Variants in AURKAIP1 observed in about 807,000 individuals in gnomAD.
AURKAIP1 encodes the protein small ribosomal subunit protein bS22, mitochondrial.
In AURKAIP1, 20 loss-of-function variants were observed where a neutral mutation model predicts 18.4. That is an observed-to-expected ratio of 1.09 (90% CI 0.77 to 1.58). AURKAIP1 has a LOEUF of 1.58. Among genes scored for constraint, AURKAIP1 ranks in the 40% most tolerant of loss-of-function variants. AURKAIP1 has a pLI of 0.00. For missense variants in AURKAIP1, 319 were observed against 270.7 expected, an observed-to-expected ratio of 1.18 and a Z score of -1.25; for synonymous variants, 156 against 120.8, an observed-to-expected ratio of 1.29 and a Z score of -1.91.
In AURKAIP1 at chr1:1,374,980, G is replaced by T. The variant is rs551967457; in HGVS notation, c.-35+174C>A. The T allele has an allele frequency of 1.7e-3, 882 of 505,364 alleles. 13 individuals carry two copies. Among genetic ancestry groups the T allele is most frequent in the African/African-American group, 0.015 (747 of 49,030 alleles). 31.3% of individuals were successfully genotyped at this position (505,364 alleles called of 1,614,324 possible). A position where few individuals can be genotyped will look rare whatever the true frequency, so the allele number is the denominator to read the frequency against. On this transcript the variant is annotated intron_variant, in intron 1 of 3. Transcript: ENST00000338338. ...CTCCCAAGCCCCCGACGCGGGCGGT[G>T]TCGCGCTCGGACGCACCGAAAGGTC...
rs755274771 is a variant in AURKAIP1 at position 1,374,225 on chromosome 1, G to A, written c.273C>T (p.Thr91=). 9 of 1,612,840 alleles carry A rather than the reference G, an allele frequency of 5.6e-6. No individual in the cohort carries two copies. Among genetic ancestry groups the A allele is most frequent in the East Asian group, 2.2e-5 (1 of 44,886 alleles). The stretch of plus-strand genomic sequence containing the variant: ...ATTGCGGTGGAGCCACAGTCCCTGC[G>A]GTCCCGGTATCCAGTCTGGGCAGGA... ...RCFLPRLDTG[T]AGTVAPPQSY... The change falls in exon 3 of 4, where the codon ACC becomes ACT. Residue 91 remains threonine, a synonymous_variant. Transcript: ENST00000338338.
Position 1,373,790 on chromosome 1 carries a change from C to T in AURKAIP1, c.*11G>A, listed in dbSNP as rs1397523790. On this transcript the variant is annotated 3_prime_UTR_variant, in exon 4 of 4. Coordinates refer to ENST00000338338, the MANE Select transcript of AURKAIP1 (RefSeq NM_017900.3). The stretch of plus-strand genomic sequence containing the variant: ...TCACAGCAGCAACGGGCGGGAAGGG[C>T]GGCGCCAGACTCATTTGCCCCGCAG... 2 of 1,593,266 alleles carry T rather than the reference C, an allele frequency of 1.3e-6. No individual in the cohort carries two copies. The highest frequency in any genetic ancestry group is 8.5e-7 in the Non-Finnish European group (1 of 1,177,418).
At chr1:1,373,939 G>A (rs1644318946) in intron 3 of AURKAIP1, 37 bp from the exon 4 acceptor site, 3 of 1,608,500 alleles carry the variant, frequency 1.9e-6, no homozygotes, top group Middle Eastern at 3.3e-4. Flanking sequence ...CAAGTAATTC[G>A]TGGCAAAGAA....
In AURKAIP1 at chr1:1,374,456, C is replaced by G. The variant is rs1644328028; in HGVS notation, c.53-11G>C. The G allele has an allele frequency of 6.9e-7, 1 of 1,442,720 alleles. No homozygotes were observed. Among genetic ancestry groups the G allele is most frequent in the Non-Finnish European group, 9.1e-7 (1 of 1,102,474 alleles). 89.4% of individuals were successfully genotyped at this position (1,442,720 alleles called of 1,614,324 possible). A position where few individuals can be genotyped will look rare whatever the true frequency, so the allele number is the denominator to read the frequency against. On this transcript the variant is annotated splice_polypyrimidine_tract_variant and intron_variant, in intron 2 of 3. Transcript: ENST00000338338. ...AAGGCGGGCGGCCGCCTGCAGAAAA[C>G]CAGACGCCACGGTCACCGCTCGCGA...
At position 1,374,706 on chromosome 1, in the gene AURKAIP1, T is replaced by G; in HGVS notation, c.51A>C (p.Ala17=). The change falls in exon 2 of 4, where the codon GCA becomes GCC. Residue 17 remains alanine, a splice_region_variant and synonymous_variant. Transcript: ENST00000338338. The stretch of plus-strand genomic sequence containing the variant: ...ATCCGCCCCCGCGCGGCTTCCTACC[T>G]GCCCAAGGAACGGCCCTCAACAGCT... ...TSQLLRAVPW[A]GGRPPWPVSG... is the part of the protein sequence containing the mutation. 6.4e-7 allele frequency: 1 copy of G among 1,559,058 alleles called. No individual in the cohort carries two copies. Among genetic ancestry groups the G allele is most frequent in the Non-Finnish European group, 8.7e-7 (1 of 1,151,622 alleles).
chr1:1,374,849 C>T (rs1184203309), intron 1 of AURKAIP1, 59 bp from the exon 2 acceptor site: 8 of 1,270,314 alleles, frequency 6.3e-6, no homozygotes, highest in Non-Finnish European at 7.6e-6. Flanking sequence ...CGCGGGCGGG[C>T]CGGGACTGGG....
rs1196914068 is a variant in AURKAIP1, at chr1:1,374,140, C to A, written c.358G>T (p.Ala120Ser). 6.2e-7 allele frequency: 1 copy of A among 1,613,918 alleles called. No individual in the cohort carries two copies. The highest frequency in any genetic ancestry group is 8.5e-7 in the Non-Finnish European group (1 of 1,180,004). ...TTGCACTGAATTTGAGGCGCATCCG[C>A]GACGCCTTCATCCCCCTGCTCGGCC... is the stretch of plus-strand genomic sequence containing the variant. ...EGAEQGDEGV[A>S]DAPQIQCKNV... Residue 120 changes from alanine (A) to serine (S), a missense_variant, in exon 3 of 4, where the codon GCG becomes TCG. Ala to Ser is a moderately conservative substitution (Grantham distance 99, BLOSUM62 1). Coordinates refer to ENST00000338338, the MANE Select transcript of AURKAIP1 (RefSeq NM_017900.3).
chr1:1,374,521 TC>T, intron 2 of AURKAIP1, 76 bp from the exon 3 acceptor site: 1 of 1,387,294 alleles, frequency 7.2e-7, no homozygotes, highest in Non-Finnish European at 9.6e-7. Flanking sequence ...AGCAGGTTCG[TC>T]CCAGCGAGGA....
In AURKAIP1 at chr1:1,374,150, A is replaced by G. The variant is rs143717340; in HGVS notation, c.348T>C (p.Asp116=). ...SQIGEGAEQG[D]EGVADAPQIQ... is the part of the protein sequence containing the mutation. ...TTTGAGGCGCATCCGCGACGCCTTC[A>G]TCCCCCTGCTCGGCCCCTTCCCCTA... Residue 116 remains aspartate (D), a synonymous_variant, in exon 3 of 4, where the codon GAT becomes GAC. Transcript: ENST00000338338. The G allele has an allele frequency of 4.3e-6, 7 of 1,613,800 alleles. No homozygotes were observed. The highest frequency in any genetic ancestry group is 5.9e-6 in the Non-Finnish European group (7 of 1,180,030).
At chr1:1,374,855 C>T in intron 1 of AURKAIP1, 65 bp from the exon 2 acceptor site, 1 of 1,115,332 alleles carries the variant, frequency 9.0e-7, no homozygotes, top group Non-Finnish European at 1.3e-6. Context: ...CGGGCCGGGA[C>T]TGGGGCGTCT....
chr1:1,374,033 C>T lies in AURKAIP1; in HGVS notation c.465G>A (p.Arg155=). Residue 155 remains arginine (R), a synonymous_variant, in exon 3 of 4, where the codon AGG becomes AGA. Coordinates refer to ENST00000338338, the MANE Select transcript of AURKAIP1 (RefSeq NM_017900.3). ...KLVKKTRFLR[R]KVQEGRLRRK... Reference sequence around the variant, plus strand: ...GTCTCAGGCGTCCCTCCTGGACCTTCCTCCGCAGGAACCGCGTCTTCTTCA... The same window carrying T: ...GTCTCAGGCGTCCCTCCTGGACCTTTCTCCGCAGGAACCGCGTCTTCTTCA... 3 of 1,607,156 alleles carry T rather than the reference C, an allele frequency of 1.9e-6. No homozygotes were observed. Among genetic ancestry groups the T allele is most frequent in the Middle Eastern group, 1.7e-4 (1 of 6,034 alleles).
Position 1,374,363 on chromosome 1 carries a change from T to A in AURKAIP1, c.135A>T (p.Pro45=). ...GPLYSTSPAG[P]GRAASLPRKG... is the part of the protein sequence containing the mutation. ...TGCGAGGGAGAGAGGCCGCCCTACC[T>A]GGGCCGGCCGGCGATGTGCTGTAAA... is the stretch of plus-strand genomic sequence containing the variant. Residue 45 remains proline, a synonymous_variant, in exon 3 of 4, where the codon CCA becomes CCT. Coordinates refer to ENST00000338338, the MANE Select transcript of AURKAIP1 (RefSeq NM_017900.3). The A allele has an allele frequency of 6.6e-7, 1 of 1,525,592 alleles. No individual in the cohort carries two copies. The highest frequency in any genetic ancestry group is 1.8e-4 in the Middle Eastern group (1 of 5,632). 94.5% of individuals were successfully genotyped at this position (1,525,592 alleles called of 1,614,324 possible). A position where few individuals can be genotyped will look rare whatever the true frequency, so the allele number is the denominator to read the frequency against.
chr1:1,374,719 G>T lies in AURKAIP1; in HGVS notation c.38C>A (p.Ala13Asp). 1 of 1,561,110 alleles carries T rather than the reference G, an allele frequency of 6.4e-7. No individual in the cohort carries two copies. ...LGRLTSQLLR[A>D]VPWAGGRPPW... ...CGGCTTCCTACCTGCCCAAGGAACG[G>T]CCCTCAACAGCTGGGAAGTCAGGCG... The change falls in exon 2 of 4, where the codon GCC (alanine) becomes GAC (aspartate). Residue 13 changes from alanine (A) to aspartate (D), a missense_variant. Transcript: ENST00000338338.
Position 1,374,163 on chromosome 1 carries a change from GC to G in AURKAIP1, c.334del (p.Ala112ProfsTer20). ...CGCGACGCCTTCATCCCCCTGCTCGGCCCCTTCCCCTATCTGGCTGGGCGGA... is the reference window on the plus strand; with the variant it reads ...CGCGACGCCTTCATCCCCCTGCTCGGCCCTTCCCCTATCTGGCTGGGCGGA... ...QCPPSQIGEG[A>X]EQGDEGVADA... On this transcript the variant is annotated frameshift_variant, in exon 3 of 4. Transcript: ENST00000338338. LOFTEE classifies it high-confidence loss of function. The G allele has an allele frequency of 6.2e-7, 1 of 1,613,838 alleles. No individual in the cohort carries two copies. Among genetic ancestry groups the G allele is most frequent in the Non-Finnish European group, 8.5e-7 (1 of 1,180,030 alleles).
chr1:1,373,971 C>A, intron 3 of AURKAIP1, 29 bp downstream of exon 3: 1 of 1,608,612 alleles, frequency 6.2e-7, no homozygotes, highest in African/African-American at 1.3e-5. Context: ...GCACTTTGCC[C>A]TCCCAGGGCC....
intron 2 of AURKAIP1, 61 bp downstream of exon 2, chr1:1,374,644 C>G: frequency 6.6e-7 from 1 of 1,525,530 alleles, no homozygotes; most frequent in South Asian, 1.2e-5. Flanking sequence ...AGCGGAGCTG[C>G]TGAGACCCGC....
At chr1:1,374,546 A>C (rs1294269225) in intron 2 of AURKAIP1, 101 bp from the exon 3 acceptor site, 9 of 1,358,974 alleles carry the variant, frequency 6.6e-6, no homozygotes, top group Non-Finnish European at 8.9e-6. Flanking sequence ...CCCGCACCTC[A>C]TTCCTGGCCT....
At position 1,374,297 on chromosome 1, in the gene AURKAIP1, C is replaced by T. The variant is rs780177298; in HGVS notation, c.201G>A (p.Arg67=). 296 of 1,590,646 alleles carry T rather than the reference C, an allele frequency of 1.9e-4. No individual in the cohort carries two copies. Among genetic ancestry groups the T allele is most frequent in the Non-Finnish European group, 2.3e-4 (271 of 1,169,928 alleles). Reference sequence around the variant, plus strand: ...TCTCCAGGGGGCTGACGGACATCTTCCTGGGGACCAGCATCTCCTCCAGCT... The same window carrying T: ...TCTCCAGGGGGCTGACGGACATCTTTCTGGGGACCAGCATCTCCTCCAGCT... ...QLELEEMLVP[R]KMSVSPLESW... The change falls in exon 3 of 4, where the codon AGG becomes AGA. Residue 67 remains arginine, a synonymous_variant. Transcript: ENST00000338338.
chr1:1,374,834 G>A, intron 1 of AURKAIP1, 44 bp from the exon 2 acceptor site: 1 of 1,409,894 alleles, frequency 7.1e-7, no homozygotes. Flanking sequence ...AGCGCCTTCA[G>A]TAGTCGCGGG....
Sources: gnomAD v4.1 joint callset for allele counts on GRCh38, gnomAD v4.1.1 for gene constraint, MANE v1.5 for transcripts, NCBI Gene and HGNC (gene_info 2026-07-23, HGNC 2026-07-21) for gene names.